Variants in PPP4R3A observed in about 807,000 individuals in gnomAD.
PPP4R3A encodes the protein protein phosphatase 4 regulatory subunit 3A, also known as serine/threonine-protein phosphatase 4 regulatory subunit 3A.
Under a neutral mutation model 91.7 loss-of-function variants are expected in PPP4R3A, and 15 were observed. The observed-to-expected ratio is 0.16, with a 90% CI of 0.11 to 0.25. The LOEUF is 0.25. Ranked by LOEUF, PPP4R3A falls within the 10% of genes least tolerant of loss-of-function variation. The pLI is 1.00. For missense variants in PPP4R3A, 623 were observed against 998.4 expected, an observed-to-expected ratio of 0.62 and a Z score of 5.07; for synonymous variants, 377 against 348.7, an observed-to-expected ratio of 1.08 and a Z score of -0.91.
chr14:91,469,694 G>C (rs894788990), intron 10 of PPP4R3A, among the ~76,000 whole-genome samples: 2 of 151,974 alleles, frequency 1.3e-5, no homozygotes, highest in Non-Finnish European at 2.9e-5. Context: ...TCAGCCTCCC[G>C]AGTAGTTGGG....
At chr14:91,501,140 G>A (rs148427578) in intron 1 of PPP4R3A, among the ~76,000 whole-genome samples, 4 of 152,274 alleles carry the variant, frequency 2.6e-5, no homozygotes, top group African/African-American at 4.8e-5. Flanking sequence ...CTGAAGAAAC[G>A]AGATAGTATA....
chr14:91,486,971 G>A (rs1256270190), intron 2 of PPP4R3A, among the ~76,000 whole-genome samples: 3 of 151,526 alleles, frequency 2.0e-5, no homozygotes, highest in African/African-American at 7.3e-5. Flanking sequence ...TTTTGGCAGG[G>A]TGCGGTGGCT....
chr14:91,463,030 C>T (rs1022686420), intron 11 of PPP4R3A, among the ~76,000 whole-genome samples, 153 bp from the exon 12 acceptor site: 1 of 151,848 alleles, frequency 6.6e-6, no homozygotes, highest in Non-Finnish European at 1.5e-5. Flanking sequence ...ATGGGAATAA[C>T]GTACACTGGC....
intron 1 of PPP4R3A, among the ~76,000 whole-genome samples, chr14:91,501,471 TAAG>T (rs1890949046): frequency 1.3e-5 from 2 of 151,954 alleles, no homozygotes. Context: ...CTGGGCAACA[TAAG>T]GTGACCCCAT....
At chr14:91,505,094 C>T (rs1480160051) in intron 1 of PPP4R3A, among the ~76,000 whole-genome samples, 1 of 152,160 alleles carries the variant, frequency 6.6e-6, no homozygotes, top group Non-Finnish European at 1.5e-5. Context: ...AATCCCAACT[C>T]ATACCATCTT....
At chr14:91,477,218 G>A (rs578157579) in intron 4 of PPP4R3A, among the ~76,000 whole-genome samples, 1 of 151,530 alleles carries the variant, frequency 6.6e-6, no homozygotes, top group East Asian at 1.9e-4. Context: ...AATATTTTGA[G>A]CTTTGCGGCC....
At chr14:91,508,549 T>C (rs1250506815) in intron 1 of PPP4R3A, among the ~76,000 whole-genome samples, 1 of 152,180 alleles carries the variant, frequency 6.6e-6, no homozygotes, top group African/African-American at 2.4e-5. Flanking sequence ...TTGAGAATAG[T>C]TTTACCCCAC....
chr14:91,471,087 C>T, intron 9 of PPP4R3A, 92 bp from the exon 10 acceptor site: 2 of 1,216,288 alleles, frequency 1.6e-6, no homozygotes, highest in South Asian at 1.6e-5. Flanking sequence ...AGTAAAATCT[C>T]TTCTATTAAC....
At position 91,457,567 on chromosome 14, in the gene PPP4R3A, G is replaced by A. The variant is rs1469350191; in HGVS notation, c.*1192C>T. ...TTACAAGTCAAACTGGTATTCCAAAGGGAGTAGTTAAAAACAAAAACAAGA... is the reference window on the plus strand; with the variant it reads ...TTACAAGTCAAACTGGTATTCCAAAAGGAGTAGTTAAAAACAAAAACAAGA... On this transcript the variant is annotated 3_prime_UTR_variant, in exon 15 of 15. Transcript: ENST00000554943. 1.3e-5 allele frequency: 2 copies of A among 152,514 alleles called. No homozygotes were observed. Among genetic ancestry groups the A allele is most frequent in the African/African-American group, 4.8e-5 (2 of 41,442 alleles). 9.4% of individuals were successfully genotyped at this position (152,514 alleles called of 1,614,324 possible). A position where few individuals can be genotyped will look rare whatever the true frequency, so the allele number is the denominator to read the frequency against.
chr14:91,478,009 A>T (rs1889315246), intron 4 of PPP4R3A, among the ~76,000 whole-genome samples: 1 of 152,192 alleles, frequency 6.6e-6, no homozygotes, highest in Non-Finnish European at 1.5e-5. Context: ...AGCCCTAGAC[A>T]TGCCTCACTC....
intron 2 of PPP4R3A, among the ~76,000 whole-genome samples, chr14:91,488,731 A>G (rs1004347553): frequency 4.6e-5 from 7 of 152,112 alleles, no homozygotes; most frequent in Non-Finnish European, 8.8e-5. Context: ...ATAGCATGGA[A>G]TGAAAATACT....
chr14:91,461,678 C>T (rs1888171676), intron 13 of PPP4R3A, 71 bp from the exon 14 acceptor site: 1 of 1,434,508 alleles, frequency 7.0e-7, no homozygotes. Flanking sequence ...TGAGGTAACA[C>T]TAAAACACAT....
chr14:91,482,291 C>T (rs749964440), intron 3 of PPP4R3A, 98 bp from the exon 4 acceptor site: 23 of 1,303,788 alleles, frequency 1.8e-5, no homozygotes, highest in Non-Finnish European at 2.2e-5. Flanking sequence ...TGTAAGAAAC[C>T]TATAATGGTC....
intron 1 of PPP4R3A, among the ~76,000 whole-genome samples, chr14:91,500,230 A>AG (rs5810540): frequency 1 from 152,256 of 152,262 alleles, 76,125 homozygotes; most frequent in Non-Finnish European, 1. Flanking sequence ...TTTGAGACGG[A>AG]TTTCACTCTT....
intron 1 of PPP4R3A, among the ~76,000 whole-genome samples, chr14:91,493,640 A>AC (rs1555437393): frequency 5.9e-5 from 2 of 34,074 alleles, no homozygotes; most frequent in Non-Finnish European, 9.7e-5. Context: ...TTAATATAAA[A>AC]TTTAAAAAAG....
intron 1 of PPP4R3A, among the ~76,000 whole-genome samples, chr14:91,494,294 A>G (rs982567799): frequency 6.6e-6 from 1 of 152,198 alleles, no homozygotes; most frequent in African/African-American, 2.4e-5. Flanking sequence ...TACAACCTAT[A>G]TAAAAGAAAA....
chr14:91,493,312 CAAAA>C (rs59007966), intron 1 of PPP4R3A, among the ~76,000 whole-genome samples: 1 of 136,266 alleles, frequency 7.3e-6, no homozygotes. Context: ...GACTCTGCCT[CAAAA>C]AAAAAAAAGA....
intron 1 of PPP4R3A, among the ~76,000 whole-genome samples, chr14:91,496,423 C>T (rs1464483282): frequency 6.6e-6 from 1 of 152,128 alleles, no homozygotes; most frequent in Non-Finnish European, 1.5e-5. Context: ...AAACAAAAAA[C>T]ACGGCAGTGC....
At chr14:91,472,465 T>G (rs28418391) in intron 9 of PPP4R3A, among the ~76,000 whole-genome samples, 164 of 68,504 alleles carry the variant, frequency 2.4e-3, no homozygotes, top group South Asian at 8.1e-3. Context: ...ATTGTTTTTT[T>G]TTTTTTTTTT....
Sources: allele counts gnomAD v4.1 joint callset (sites outside exome capture counted in the v4.1 genomes callset), GRCh38; gene constraint gnomAD v4.1.1; transcripts MANE v1.5; gene names NCBI Gene and HGNC (gene_info 2026-07-23, HGNC 2026-07-21).